The following DIAPH3 variants were observed in gnomAD, a reference collection of about 807,000 sequenced individuals.
The protein encoded by DIAPH3 is protein diaphanous homolog 3.
Under a neutral mutation model 144.3 loss-of-function variants are expected in DIAPH3, and 117 were observed. The observed-to-expected ratio is 0.81, with a 90% CI of 0.70 to 0.95. The LOEUF is 0.95. DIAPH3 is among the 40% of genes least tolerant of loss of function. The pLI, the probability that DIAPH3 is intolerant of heterozygous loss-of-function variation, is 0.00. For missense variants in DIAPH3, 1,421 were observed against 1,412.7 expected (o/e 1.01, Z -0.09); for synonymous variants, 519 against 488.9 (o/e 1.06, Z -0.81).
At position 60,010,647 on chromosome 13, in the gene DIAPH3, C is replaced by T. The variant is rs1209844193; in HGVS notation, c.794G>A (p.Ser265Asn). ...NTQYGLERIMSEERSLSLLAK... is the reference protein window; with the variant it reads ...NTQYGLERIMNEERSLSLLAK... Reference sequence around the variant, plus strand: ...CAATAAGGAAAGGCTCCTCTCCTCACTCATAATTCTTTCCAAGCCATACTA... The same window carrying T: ...CAATAAGGAAAGGCTCCTCTCCTCATTCATAATTCTTTCCAAGCCATACTA... The change falls in exon 8 of 28, where the codon AGT (serine) becomes AAT (asparagine). Residue 265 changes from serine (S) to asparagine (N), a missense_variant. Ser to Asn is a conservative substitution (Grantham distance 46, BLOSUM62 1). Transcript: ENST00000400324. 2 of 1,613,544 alleles carry T rather than the reference C, an allele frequency of 1.2e-6. No individual in the cohort carries two copies.
chr13:59,869,891 T>C (rs956134864), intron 21 of DIAPH3, among the ~76,000 whole-genome samples: 1 of 152,200 alleles, frequency 6.6e-6, no homozygotes, highest in Non-Finnish European at 1.5e-5. Context: ...AAAAGTCCTT[T>C]ATCAGGTATG....
chr13:59,784,821 C>T (rs1212850858), intron 25 of DIAPH3, among the ~76,000 whole-genome samples: 2 of 151,744 alleles, frequency 1.3e-5, no homozygotes, highest in African/African-American at 4.8e-5. Flanking sequence ...ATAGTTTAAC[C>T]CAATTCTAGA....
chr13:59,923,272 T>G (rs1355303219), intron 18 of DIAPH3, among the ~76,000 whole-genome samples: 1 of 152,182 alleles, frequency 6.6e-6, no homozygotes, highest in Non-Finnish European at 1.5e-5. Context: ...CACTAGTAAT[T>G]TGTAATGCAG....
intron 2 of DIAPH3, among the ~76,000 whole-genome samples, chr13:60,114,286 C>T (rs1283147403): frequency 7.0e-6 from 1 of 143,336 alleles, no homozygotes; most frequent in Non-Finnish European, 1.5e-5. Flanking sequence ...AAAAAAAACA[C>T]GGATGAATTA....
intron 27 of DIAPH3, among the ~76,000 whole-genome samples, chr13:59,684,094 A>G (rs1333251750): frequency 6.6e-6 from 1 of 150,742 alleles, no homozygotes; most frequent in East Asian, 1.9e-4. Flanking sequence ...GTTATCTGTG[A>G]GACTCTGACA....
intron 1 of DIAPH3, among the ~76,000 whole-genome samples, chr13:60,136,297 T>C (rs1387133693): frequency 6.6e-6 from 1 of 152,256 alleles, no homozygotes; most frequent in East Asian, 1.9e-4. Context: ...CTCTTTACTG[T>C]CTTCTAGTTC....
At chr13:59,955,636 G>A (rs1393300787) in intron 17 of DIAPH3, among the ~76,000 whole-genome samples, 1 of 152,156 alleles carries the variant, frequency 6.6e-6, no homozygotes, top group Admixed American at 6.5e-5. Context: ...ACAGGCAGAG[G>A]TTGGAACAGT....
intron 27 of DIAPH3, among the ~76,000 whole-genome samples, chr13:59,758,841 G>A (rs1317097701): frequency 6.6e-6 from 1 of 151,230 alleles, no homozygotes; most frequent in Non-Finnish European, 1.5e-5. Context: ...GTGCAATGGT[G>A]GGATCATGGC....
At chr13:60,158,931 A>C (rs896952551) in intron 1 of DIAPH3, among the ~76,000 whole-genome samples, 7 of 151,202 alleles carry the variant, frequency 4.6e-5, no homozygotes, top group African/African-American at 1.7e-4. Context: ...AAAAAAAAAA[A>C]ACCAAATAAC....
intron 20 of DIAPH3, among the ~76,000 whole-genome samples, chr13:59,885,001 A>G (rs1305363895): frequency 6.6e-6 from 1 of 152,184 alleles, no homozygotes; most frequent in Non-Finnish European, 1.5e-5. Context: ...AAAGGCTAAA[A>G]TGTATATTCC....
chr13:59,899,554 G>C (rs1179237376), intron 20 of DIAPH3, among the ~76,000 whole-genome samples: 1 of 152,170 alleles, frequency 6.6e-6, no homozygotes, highest in East Asian at 1.9e-4. Context: ...TAGCCAGGGG[G>C]AATGGTAGAA....
chr13:59,708,113 T>G (rs193202601), intron 27 of DIAPH3, among the ~76,000 whole-genome samples: 2 of 152,138 alleles, frequency 1.3e-5, no homozygotes, highest in Admixed American at 1.3e-4. Flanking sequence ...CCCAAGCTGG[T>G]GTGCAGCAGC....
rs774874379 is a variant in DIAPH3 at position 59,879,390 on chromosome 13, T to G, written c.2446A>C (p.Ile816Leu). 3.1e-6 allele frequency: 5 copies of G among 1,613,902 alleles called. No individual in the cohort carries two copies. Among genetic ancestry groups the G allele is most frequent in the Non-Finnish European group, 4.2e-6 (5 of 1,179,866 alleles). Residue 816 changes from isoleucine (I) to leucine (L), a missense_variant, in exon 21 of 28, where the codon ATC becomes CTC. Ile to Leu is a conservative substitution (Grantham distance 5). Coordinates refer to ENST00000400324, the MANE Select transcript of DIAPH3 (RefSeq NM_001042517.2). ...KLQFEEQVNNIKPDIMAVSTA... is the reference protein window; with the variant it reads ...KLQFEEQVNNLKPDIMAVSTA... ...CTGACAGCCATGATGTCAGGTTTGA[T>G]GTTGTTCACCTGCTCTTCAAACTGA...
chr13:60,068,099 C>G (rs2057045338), intron 4 of DIAPH3, among the ~76,000 whole-genome samples: 1 of 152,114 alleles, frequency 6.6e-6, no homozygotes, highest in South Asian at 2.1e-4. Flanking sequence ...CATGAATAGT[C>G]TTAATTCACT....
At chr13:59,812,706 C>CA (rs984484163) in intron 24 of DIAPH3, among the ~76,000 whole-genome samples, 62 of 152,112 alleles carry the variant, frequency 4.1e-4, no homozygotes, top group African/African-American at 1.5e-3. Context: ...GTTTAGGAGA[C>CA]AGAAGGCCAG....
intron 4 of DIAPH3, chr13:60,044,277 A>G (rs2055906905): frequency 2.0e-5 from 3 of 152,190 alleles, no homozygotes; most frequent in African/African-American, 7.2e-5. Flanking sequence ...GGTGTTTTTC[A>G]TGTTTTTTGT....
At chr13:59,909,012 C>T (rs982305159) in intron 20 of DIAPH3, among the ~76,000 whole-genome samples, 3 of 152,090 alleles carry the variant, frequency 2.0e-5, no homozygotes, top group African/African-American at 7.2e-5. Flanking sequence ...TAAATCTAGG[C>T]TAAATCAAGA....
At position 60,163,602 on chromosome 13, in the gene DIAPH3, C is replaced by A; in HGVS notation, c.165G>T (p.Glu55Asp). 6.3e-7 allele frequency: 1 copy of A among 1,594,984 alleles called. No homozygotes were observed. Among genetic ancestry groups the A allele is most frequent in the South Asian group, 1.1e-5 (1 of 89,828 alleles). The change falls in exon 1 of 28, where the codon GAG (glutamate) becomes GAT (aspartate). Residue 55 changes from glutamate (E) to aspartate (D), a missense_variant. Physicochemically the swap from Glu to Asp is conservative, Grantham distance 45. Coordinates refer to ENST00000400324, the MANE Select transcript of DIAPH3 (RefSeq NM_001042517.2). ...PPPSGPEEPG[E>D]KRPKFHLNIR... The stretch of plus-strand genomic sequence containing the variant: ...CGATACTCACAAACTTGGGGCGCTT[C>A]TCCCCAGGCTCCTCGGGGCCACTGG...
chr13:59,692,297 G>A (rs1201672062), intron 27 of DIAPH3, among the ~76,000 whole-genome samples: 1 of 151,264 alleles, frequency 6.6e-6, no homozygotes, highest in African/African-American at 2.4e-5. Context: ...AGGTATGAAT[G>A]GTAAATAAAT....
Sources: gnomAD v4.1 joint callset for allele counts (sites outside exome capture counted in the v4.1 genomes callset) on GRCh38, gnomAD v4.1.1 for gene constraint, MANE v1.5 for transcripts, NCBI Gene and HGNC (gene_info 2026-07-23, HGNC 2026-07-21) for gene names.